The following PTPRD variants were observed in gnomAD, a reference collection of about 807,000 sequenced individuals.
The protein encoded by PTPRD is receptor-type tyrosine-protein phosphatase delta.
A neutral mutation model predicts 214.5 loss-of-function variants in PTPRD; 34 were observed. The ratio of observed to expected loss-of-function variants is 0.16; its 90% CI spans 0.12 to 0.21. The LOEUF (loss-of-function observed/expected upper bound fraction) is 0.21. PTPRD is among the 10% of genes least tolerant of loss of function. The pLI, the probability that PTPRD is intolerant of heterozygous loss-of-function variation, is 1.00. For missense variants in PTPRD, 2,545 were observed against 2,398.7 expected (o/e 1.06, Z -1.27); for synonymous variants, 1,128 against 845.7 (o/e 1.33, Z -5.79).
chr9:8,616,097 T>C (rs534018573), intron 14 of PTPRD, among the ~76,000 whole-genome samples: 97 of 152,314 alleles, frequency 6.4e-4, no homozygotes, highest in Non-Finnish European at 9.9e-4. Flanking sequence ...TTTAAAGTCA[T>C]ACAAGTGAAT....
intron 9 of PTPRD, among the ~76,000 whole-genome samples, chr9:9,309,181 G>T (rs1958092665): frequency 6.6e-6 from 1 of 151,008 alleles, no homozygotes; most frequent in Non-Finnish European, 1.5e-5. Context: ...GCCCTAGAAT[G>T]ATTTGGTGCC....
rs375141883 is a variant in PTPRD, at chr9:9,208,020, C to T, written c.-202-24657G>A. On this transcript the variant is annotated intron_variant, in intron 9 of 45. Transcript: ENST00000381196. ...TGGTATGGCTATTCATATATATCTGCTTTTTTTTTTTTTTTTTGAGACAGA... is the reference window on the plus strand; with the variant it reads ...TGGTATGGCTATTCATATATATCTGTTTTTTTTTTTTTTTTTTGAGACAGA... 1.5e-3 allele frequency among the ~76,000 whole-genome samples: 82 copies of T among 53,248 alleles called. 1 individual carries two copies. The highest frequency in any genetic ancestry group is 6.1e-3 in the South Asian group (5 of 822). 34.9% of individuals were successfully genotyped at this position (53,248 alleles called of 152,430 possible).
At chr9:8,693,251 C>G (rs1381141541) in intron 12 of PTPRD, among the ~76,000 whole-genome samples, 3 of 152,162 alleles carry the variant, frequency 2.0e-5, no homozygotes, top group African/African-American at 4.8e-5. Context: ...TTCCTGAAAC[C>G]TTACTCAGTT....
intron 3 of PTPRD, among the ~76,000 whole-genome samples, chr9:10,310,823 C>T (rs2096248112): frequency 6.6e-6 from 1 of 152,016 alleles, no homozygotes; most frequent in African/African-American, 2.4e-5. Flanking sequence ...TTGTTAAACG[C>T]AAAAGGCTGC....
chr9:8,404,914 T>C (rs572383537), intron 35 of PTPRD, among the ~76,000 whole-genome samples: 3 of 152,378 alleles, frequency 2.0e-5, no homozygotes, highest in East Asian at 3.9e-4. Flanking sequence ...TCTGTTAATA[T>C]TGGAAAGGCA....
chr9:9,142,737 C>A (rs2099862456), intron 10 of PTPRD, among the ~76,000 whole-genome samples: 1 of 152,144 alleles, frequency 6.6e-6, no homozygotes, highest in African/African-American at 2.4e-5. Context: ...TAATTGAATT[C>A]TATTTTTCTG....
At chr9:9,725,579 G>T (rs79288227) in intron 7 of PTPRD, among the ~76,000 whole-genome samples, 7 of 151,948 alleles carry the variant, frequency 4.6e-5, no homozygotes, top group African/African-American at 1.7e-4. Context: ...TTAATAAGTT[G>T]GTTCTCCTTA....
chr9:10,253,712 A>C (rs1281649958), intron 3 of PTPRD, among the ~76,000 whole-genome samples: 1 of 152,192 alleles, frequency 6.6e-6, no homozygotes. Context: ...TATAAAGAGA[A>C]GTTTACTGCA....
intron 7 of PTPRD, among the ~76,000 whole-genome samples, chr9:9,636,926 G>A (rs1244659059): frequency 6.6e-6 from 1 of 152,142 alleles, no homozygotes; most frequent in African/African-American, 2.4e-5. Context: ...CTTCCAAGGT[G>A]CACCTTGAAG....
intron 5 of PTPRD, among the ~76,000 whole-genome samples, chr9:9,824,725 CTTTCTCAATATG>C (rs1318082649): frequency 1.3e-5 from 2 of 152,094 alleles, no homozygotes; most frequent in East Asian, 3.9e-4. Context: ...CAGGTAATAA[CTTTCTCAATATG>C]TGATTTAAAT....
At chr9:9,908,966 T>C (rs776511416) in intron 5 of PTPRD, among the ~76,000 whole-genome samples, 1 of 151,998 alleles carries the variant, frequency 6.6e-6, no homozygotes, top group African/African-American at 2.4e-5. Context: ...GAAACTATTA[T>C]ATAGCAAGTG....
intron 14 of PTPRD, among the ~76,000 whole-genome samples, chr9:8,565,776 G>C (rs189123065): frequency 6.6e-6 from 1 of 152,134 alleles, no homozygotes; most frequent in African/African-American, 2.4e-5. Flanking sequence ...TAGTTTATGA[G>C]ACGCTTATCA....
rs992770535 is a variant in PTPRD at position 10,394,513 on chromosome 9, T to C, written c.-599-53496A>G. Among the ~76,000 whole-genome samples, 4 of 151,944 alleles carry C rather than the reference T, an allele frequency of 2.6e-5. No individual in the cohort carries two copies. The South Asian group carries it at 6.2e-4, about 24-fold the overall frequency. On this transcript the variant is annotated intron_variant, in intron 2 of 45. Transcript: ENST00000381196. ...CTTTTTCATCAATAATAATAATTGC[T>C]ACATAAACTAAGTTGGAATGTATAG...
intron 7 of PTPRD, among the ~76,000 whole-genome samples, chr9:9,657,812 T>C (rs2096549162): frequency 6.6e-6 from 1 of 152,200 alleles, no homozygotes; most frequent in Non-Finnish European, 1.5e-5. Flanking sequence ...TGGTGGTCTA[T>C]GCCATATGCT....
intron 9 of PTPRD, among the ~76,000 whole-genome samples, chr9:9,355,896 G>C (rs1332806): frequency 0.21 from 32,025 of 151,282 alleles, 3,973 homozygotes; most frequent in East Asian, 0.34. Flanking sequence ...AAAGTGTGTA[G>C]TATCACAGAC....
chr9:9,731,885 G>C (rs981821693), intron 7 of PTPRD, among the ~76,000 whole-genome samples: 1 of 152,164 alleles, frequency 6.6e-6, no homozygotes, highest in Non-Finnish European at 1.5e-5. Flanking sequence ...GCAGTAAAGA[G>C]AACAAGATGA....
chr9:10,446,564 C>A (rs2098801380), intron 2 of PTPRD, among the ~76,000 whole-genome samples: 1 of 151,156 alleles, frequency 6.6e-6, no homozygotes, highest in African/African-American at 2.4e-5. Context: ...TTTAAAAAAT[C>A]ATAAATGTGT....
At chr9:8,377,121 C>A (rs1348433952) in intron 37 of PTPRD, among the ~76,000 whole-genome samples, 1 of 152,056 alleles carries the variant, frequency 6.6e-6, no homozygotes, top group East Asian at 1.9e-4. Flanking sequence ...GATAGTGTTA[C>A]TTCATCAAGA....
At chr9:10,231,346 A>C (rs1196374220) in intron 3 of PTPRD, among the ~76,000 whole-genome samples, 2 of 151,484 alleles carry the variant, frequency 1.3e-5, no homozygotes, top group African/African-American at 4.9e-5. Flanking sequence ...GAAAAAAAAA[A>C]TGGAAGGGTT....
Sources: gnomAD v4.1 joint callset for allele counts (sites outside exome capture counted in the v4.1 genomes callset) on GRCh38, gnomAD v4.1.1 for gene constraint, MANE v1.5 for transcripts, NCBI Gene and HGNC (gene_info 2026-07-23, HGNC 2026-07-21) for gene names.